IL1RAPL2: variants seen among roughly 807,000 people sequenced by gnomAD.
IL1RAPL2 encodes the protein X-linked interleukin-1 receptor accessory protein-like 2.
Under a neutral mutation model 44.1 loss-of-function variants are expected in IL1RAPL2, and 3 were observed. The ratio of observed to expected loss-of-function variants is 0.07; its 90% confidence interval spans 0.03 to 0.18. IL1RAPL2 has a LOEUF of 0.18. IL1RAPL2 is among the 10% of genes least tolerant of loss of function. The probability of loss-of-function intolerance (pLI) is 1.00; values close to 1 mark genes in which losing one functional copy is unlikely to be tolerated. For synonymous variants in IL1RAPL2, 181 were observed against 178.8 expected (o/e 1.01, Z -0.10); for missense variants, 391 against 496.4 (o/e 0.79, Z 2.02).
chrX:104,961,158 A>G (rs2029998738), intron 2 of IL1RAPL2, among the ~76,000 whole-genome samples: 1 of 111,386 alleles, frequency 9.0e-6, no homozygotes, highest in Non-Finnish European at 1.9e-5. Flanking sequence ...TCTCACACCT[A>G]CTATAGTAAA....
intron 2 of IL1RAPL2, among the ~76,000 whole-genome samples, chrX:104,950,703 GTTTTTGTTTTTGTTT>G (rs1925551773): frequency 2.6e-5 from 2 of 76,418 alleles, no homozygotes; most frequent in Admixed American, 1.3e-4. Context: ...TTGTTTGTTT[GTTTTTGTTTTTGTTT>G]TTTTTTTTGA....
intron 2 of IL1RAPL2, among the ~76,000 whole-genome samples, chrX:105,177,542 G>A (rs769468043): frequency 1.1e-4 from 12 of 110,951 alleles, no homozygotes; most frequent in African/African-American, 2.6e-4. Context: ...GCCAAAAATT[G>A]GGGACTGCTG....
intron 5 of IL1RAPL2, among the ~76,000 whole-genome samples, chrX:105,366,895 T>A (rs1157022676): frequency 8.9e-6 from 1 of 111,804 alleles, no homozygotes; most frequent in Non-Finnish European, 1.9e-5. Context: ...TTCTTATTGA[T>A]TATCTGTCTA....
At chrX:104,802,614 A>C (rs1932893136) in intron 2 of IL1RAPL2, among the ~76,000 whole-genome samples, 1 of 111,685 alleles carries the variant, frequency 9.0e-6, no homozygotes, top group Non-Finnish European at 1.9e-5. Flanking sequence ...TTTTTCAACT[A>C]ACACAGCAGT....
chrX:104,626,299 C>CGTGTGTGT (rs111509844), intron 1 of IL1RAPL2, among the ~76,000 whole-genome samples: 2,019 of 100,861 alleles, frequency 0.02, 47 homozygotes, highest in African/African-American at 0.066. Context: ...CTGTCTCATG[C>CGTGTGTGT]GTGTGTGTGT....
At chrX:105,486,076 C>G (rs1003264268) in intron 6 of IL1RAPL2, among the ~76,000 whole-genome samples, 1 of 111,866 alleles carries the variant, frequency 8.9e-6, no homozygotes, top group Non-Finnish European at 1.9e-5. Context: ...TTCCCACTAA[C>G]AGTGGACATT....
rs759408622 is a variant in IL1RAPL2, at chrX:105,699,254, G to A, written c.773-18113G>A. Among the ~76,000 whole-genome samples, 25 of 110,777 alleles carry A rather than the reference G, an allele frequency of 2.3e-4. 1 individual carries two copies. The highest frequency in any genetic ancestry group is 2.9e-4 in the Admixed American group (3 of 10,392). ...GACACACAAAACCTGGATTAATCCCGGTGCATGCATTCTGTCACCCAACTG... is the reference window on the plus strand; with the variant it reads ...GACACACAAAACCTGGATTAATCCCAGTGCATGCATTCTGTCACCCAACTG... On this transcript the variant is annotated intron_variant, in intron 6 of 10. Transcript: ENST00000372582.
intron 2 of IL1RAPL2, among the ~76,000 whole-genome samples, chrX:104,782,387 C>T (rs1932779472): frequency 9.0e-6 from 1 of 111,297 alleles, no homozygotes; most frequent in Non-Finnish European, 1.9e-5. Flanking sequence ...CTGGACATTG[C>T]AGGTAATGTT....
chrX:105,299,932 C>A (rs2147673922), intron 5 of IL1RAPL2, among the ~76,000 whole-genome samples: 1 of 111,681 alleles, frequency 9.0e-6, no homozygotes, highest in South Asian at 3.8e-4. Context: ...GTGATGACTT[C>A]TCTGGCTGTG....
chrX:105,111,850 C>T (rs1041047558), intron 2 of IL1RAPL2, among the ~76,000 whole-genome samples: 1 of 111,894 alleles, frequency 8.9e-6, no homozygotes, highest in Non-Finnish European at 1.9e-5. Flanking sequence ...TGCATTCTTT[C>T]TGAATCTTTC....
chrX:105,525,989 A>T (rs1049604003), intron 6 of IL1RAPL2, among the ~76,000 whole-genome samples: 1 of 111,723 alleles, frequency 9.0e-6, no homozygotes, highest in Non-Finnish European at 1.9e-5. Context: ...TTTGTTAGAC[A>T]TTTTGAGATT....
intron 6 of IL1RAPL2, among the ~76,000 whole-genome samples, chrX:105,527,481 G>A (rs1030293429): frequency 3.8e-5 from 4 of 106,046 alleles, no homozygotes; most frequent in Admixed American, 1.0e-4. Flanking sequence ...TTTCCTTTCC[G>A]AAATAGTTTA....
At position 105,146,991 on chromosome X, in the gene IL1RAPL2, A is replaced by G. The variant is rs778050375; in HGVS notation, c.83-48484A>G. Among the ~76,000 whole-genome samples the G allele has an allele frequency of 1.6e-4, 18 of 111,595 alleles. No homozygotes were observed. The South Asian group carries it at 4.5e-3, about 28-fold the overall frequency. On this transcript the variant is annotated intron_variant, in intron 2 of 10. Coordinates refer to ENST00000372582, the MANE Select transcript of IL1RAPL2 (RefSeq NM_017416.2). Reference sequence around the variant, plus strand: ...AAGTTTTGTCTAAAATCTTGGGGTCAGCAGAAAGAAATGTTGAGCTCTGGC... The same window carrying G: ...AAGTTTTGTCTAAAATCTTGGGGTCGGCAGAAAGAAATGTTGAGCTCTGGC...
At chrX:104,725,414 G>A (rs1439746033) in intron 2 of IL1RAPL2, among the ~76,000 whole-genome samples, 1 of 111,289 alleles carries the variant, frequency 9.0e-6, no homozygotes, top group Non-Finnish European at 1.9e-5. Flanking sequence ...TGGGATTGCT[G>A]GGCCAAATGG....
At chrX:105,651,902 A>G (rs2037644865) in intron 6 of IL1RAPL2, among the ~76,000 whole-genome samples, 2 of 112,114 alleles carry the variant, frequency 1.8e-5, no homozygotes, top group African/African-American at 6.5e-5. Context: ...TAATTTCAAA[A>G]TGTAATGCAG....
chrX:105,265,919 G>C, intron 4 of IL1RAPL2, among the ~76,000 whole-genome samples: 1 of 111,224 alleles, frequency 9.0e-6, no homozygotes. Flanking sequence ...GTGAGGAGTG[G>C]TAGATGCAGA....
intron 2 of IL1RAPL2, among the ~76,000 whole-genome samples, chrX:105,039,878 CTCCTGCCTAAT>C (rs1046134613): frequency 2.7e-5 from 3 of 110,966 alleles, no homozygotes; most frequent in Non-Finnish European, 3.8e-5. Context: ...TTATTTCCTT[CTCCTGCCTAAT>C]TGCCCTGGCC....
chrX:105,649,254 C>T (rs1480377662), intron 6 of IL1RAPL2, among the ~76,000 whole-genome samples: 4 of 110,649 alleles, frequency 3.6e-5, no homozygotes, highest in Non-Finnish European at 7.5e-5. Context: ...ATTCTGTTTT[C>T]CAGAATTTGT....
At chrX:105,510,774 G>A (rs1031787119) in intron 6 of IL1RAPL2, among the ~76,000 whole-genome samples, 10 of 111,482 alleles carry the variant, frequency 9.0e-5, no homozygotes, top group East Asian at 2.8e-4. Context: ...GGCAGCTACC[G>A]GAAGCTGGAT....
Sources: gnomAD v4.1 joint callset for allele counts (sites outside exome capture counted in the v4.1 genomes callset) on GRCh38, gnomAD v4.1.1 for gene constraint, MANE v1.5 for transcripts, NCBI Gene and HGNC (gene_info 2026-07-23, HGNC 2026-07-21) for gene names.